Variants in DOK4 observed in about 807,000 individuals in gnomAD.
The protein encoded by DOK4 is docking protein 4.
A neutral mutation model predicts 40.1 loss-of-function variants in DOK4; 26 were observed. The observed-to-expected ratio is 0.65, with a 90% confidence interval of 0.48 to 0.90. The LOEUF (loss-of-function observed/expected upper bound fraction) is 0.90. Ranked by LOEUF, DOK4 falls within the 40% of genes least tolerant of loss-of-function variation. The pLI is 0.00. For synonymous variants in DOK4, 179 were observed against 177.0 expected (o/e 1.01, Z -0.09); for missense variants, 392 against 437.2 (o/e 0.90, Z 0.92).
rs1245329304 is a variant in DOK4 at position 57,485,144 on chromosome 16, G to A, written c.-182+1161C>T. On this transcript the variant is annotated intron_variant, in intron 1 of 8. Transcript: ENST00000340099. This position sits in a 1 kb window ranked among gnomAD's most constrained non-coding sequence, Gnocchi z 4.3. ...CAGCTCCTGGGTCTCAGCGCTGACT[G>A]GCATGGCCAGCAGGCTGTTGTTACT... 6.6e-6 allele frequency among the ~76,000 whole-genome samples: 1 copy of A among 152,248 alleles called. No homozygotes were observed. The highest frequency in any genetic ancestry group is 2.4e-5 in the African/African-American group (1 of 41,466).
At position 57,475,223 on chromosome 16, in the gene DOK4, A is replaced by G; in HGVS notation, c.290-4T>C. The stretch of plus-strand genomic sequence containing the variant: ...TACCACTCCTCTGCCTCTAGCTCTG[A>G]AGAAAATGCTACTTCATCATGCAGC... On this transcript the variant is annotated splice_region_variant and splice_polypyrimidine_tract_variant and intron_variant, in intron 4 of 8. Coordinates refer to ENST00000340099, the Ensembl canonical transcript of DOK4. 6.2e-7 allele frequency: 1 copy of G among 1,611,430 alleles called. No individual in the cohort carries two copies. The highest frequency in any genetic ancestry group is 1.1e-5 in the South Asian group (1 of 90,924).
exon 9 of DOK4, chr16:57,473,203 G>T: frequency 1.1e-6 from 1 of 912,364 alleles, no homozygotes; most frequent in Non-Finnish European, 1.6e-6. Context: ...TGCTCAGGTG[G>T]TGTGGCCAGC....
At chr16:57,480,151 C>T (rs2031361930) in intron 1 of DOK4, 1 of 152,198 alleles carries the variant, frequency 6.6e-6, no homozygotes, top group Admixed American at 6.5e-5. Context: ...AAGCGCTTCC[C>T]AGAGATGGAG....
chr16:57,473,795 AC>A, intron 7 of DOK4, 59 bp from the exon 8 acceptor site: 3 of 1,585,732 alleles, frequency 1.9e-6, no homozygotes, highest in Admixed American at 3.4e-5. Flanking sequence ...CTGAGCAGCC[AC>A]CCCAAGACCC....
In DOK4 at chr16:57,479,783, C is replaced by T. The variant is rs1598055106; in HGVS notation, c.-181-95G>A. The T allele has an allele frequency of 2.7e-6, 1 of 368,114 alleles. No individual in the cohort carries two copies. The highest frequency in any genetic ancestry group is 5.0e-6 in the Non-Finnish European group (1 of 199,162). The allele number at this position is 368,114 out of a possible 1,614,324, so 22.8% of individuals were successfully genotyped here. On this transcript the variant is annotated intron_variant, in intron 1 of 8. Transcript: ENST00000340099. The surrounding 1 kb of genome is among the most constrained non-coding windows in gnomAD (Gnocchi z 5.8). The stretch of plus-strand genomic sequence containing the variant: ...TTTTTTCCTTCCTCTTCCCACACTC[C>T]TCCTCTCTCCCTCTTCCCTCCCTCC...
At chr16:57,484,656 C>T (rs564041529) in intron 1 of DOK4, among the ~76,000 whole-genome samples, 7 of 152,176 alleles carry the variant, frequency 4.6e-5, no homozygotes, top group Non-Finnish European at 8.8e-5. Context: ...ACCCCTCCCT[C>T]GAGGGACCAC....
exon 9 of DOK4, chr16:57,472,186 A>T (rs2030880899): frequency 6.6e-6 from 1 of 152,360 alleles, no homozygotes; most frequent in Non-Finnish European, 1.5e-5. Context: ...CTCCTTTGGG[A>T]GGGGCCGCGT....
chr16:57,474,919 T>C, exon 6 of DOK4: 1 of 1,614,050 alleles, frequency 6.2e-7, no homozygotes, highest in Non-Finnish European at 8.5e-7. Context: ...GTGGGTGATC[T>C]GCAGCTTGCA....
chr16:57,486,410 G>A lies in DOK4; in HGVS notation c.-287C>T, dbSNP rs183117186. 947 of 151,884 alleles carry A rather than the reference G, an allele frequency of 6.2e-3. 10 individuals carry two copies. Among genetic ancestry groups the A allele is most frequent in the African/African-American group, 0.021 (866 of 41,266 alleles). 9.4% of individuals were successfully genotyped at this position (151,884 alleles called of 1,614,324 possible). On this transcript the variant is annotated 5_prime_UTR_variant, in exon 1 of 9. Coordinates refer to ENST00000340099, the Ensembl canonical transcript of DOK4. ...GCGGGGGCGGCAGGGCGGCGGCGGC[G>A]CCGGGCTCCAGGCGGGGACGGCGAG...
chr16:57,486,183 T>C (rs1247338200), intron 1 of DOK4, 122 bp downstream of exon 1: 3 of 152,070 alleles, frequency 2.0e-5, no homozygotes, highest in African/African-American at 7.3e-5. Context: ...GAAGGTCCCA[T>C]GGGACGGAGC....
At position 57,485,200 on chromosome 16, in the gene DOK4, T is replaced by A. The variant is rs528013872; in HGVS notation, c.-182+1105A>T. Among the ~76,000 whole-genome samples the A allele has an allele frequency of 6.6e-6, 1 of 152,312 alleles. No individual in the cohort carries two copies. The highest frequency in any genetic ancestry group is 1.9e-4 in the East Asian group (1 of 5,188). ...ACCAGCTGTGCCCAAGACCCGCAGT[T>A]TGGTTCAGAGCTGCCTCAGGGAAGA... On this transcript the variant is annotated intron_variant, in intron 1 of 8. Transcript: ENST00000340099. The surrounding 1 kb of genome is among the most constrained non-coding windows in gnomAD (Gnocchi z 4.3).
chr16:57,479,349 C>A lies in DOK4; in HGVS notation c.66+93G>T. 2.1e-6 allele frequency: 3 copies of A among 1,423,840 alleles called. No homozygotes were observed. Among genetic ancestry groups the A allele is most frequent in the Non-Finnish European group, 2.9e-6 (3 of 1,031,192 alleles). 88.2% of individuals were successfully genotyped at this position (1,423,840 alleles called of 1,614,324 possible). ...CGATGCCCGGCAGCCGGAGGGCAGC[C>A]GCGTGCCCCACGCGCCATGCCTCCA... On this transcript the variant is annotated intron_variant, in intron 2 of 8. Transcript: ENST00000340099. The surrounding 1 kb of genome is among the most constrained non-coding windows in gnomAD (Gnocchi z 5.8).
chr16:57,477,197 C>G (rs1186583372), intron 2 of DOK4, among the ~76,000 whole-genome samples: 1 of 152,142 alleles, frequency 6.6e-6, no homozygotes, highest in Non-Finnish European at 1.5e-5. Context: ...AGGCAGGGTC[C>G]CAGGGTGCAG....
At chr16:57,487,188 G>A (rs529865689), upstream of DOK4, 1 of 152,300 alleles carries the variant, frequency 6.6e-6, no homozygotes, top group South Asian at 2.1e-4. Flanking sequence ...GACAAGAGAA[G>A]TTGCCCAGTG....
Position 57,479,595 on chromosome 16 carries a change from C to G in DOK4, c.-88G>C, listed in dbSNP as rs2031340151. 6.9e-7 allele frequency: 1 copy of G among 1,439,316 alleles called. No homozygotes were observed. The highest frequency in any genetic ancestry group is 9.7e-7 in the Non-Finnish European group (1 of 1,033,738). 89.2% of individuals were successfully genotyped at this position (1,439,316 alleles called of 1,614,324 possible). The stretch of plus-strand genomic sequence containing the variant: ...CTGGGTCTCCGGCTCCTCCAATCAC[C>G]TGTTCCAGACACTCTGTCGGGGCTG... On this transcript the variant is annotated 5_prime_UTR_variant, in exon 2 of 9. Coordinates refer to ENST00000340099, the Ensembl canonical transcript of DOK4. This position sits in a 1 kb window ranked among gnomAD's most constrained non-coding sequence, Gnocchi z 5.8.
intron 1 of DOK4, among the ~76,000 whole-genome samples, chr16:57,483,629 A>C (rs2031471749): frequency 6.6e-6 from 1 of 152,170 alleles, no homozygotes; most frequent in Non-Finnish European, 1.5e-5. Context: ...GACTGTTTCT[A>C]AAAAATTTCA....
rs563284366 is a variant in DOK4 at position 57,482,374 on chromosome 16, T to TG, written c.-181-2687_-181-2686insC. 8.8e-3 allele frequency among the ~76,000 whole-genome samples: 1,270 copies of TG among 144,932 alleles called. 18 individuals carry two copies. The highest frequency in any genetic ancestry group is 0.024 in the Middle Eastern group (7 of 286). On this transcript the variant is annotated intron_variant, in intron 1 of 8. Coordinates refer to ENST00000340099, the Ensembl canonical transcript of DOK4. ...GAGATGGGGCTTTTGTTTTTTTTTT[T>TG]TTTTTTTTTTGAGACGGAGTCTCAC...
intron 7 of DOK4, 75 bp downstream of exon 7, chr16:57,473,826 C>T: frequency 3.1e-6 from 5 of 1,598,776 alleles, no homozygotes; most frequent in Non-Finnish European, 4.3e-6. Flanking sequence ...CCACTGTGTA[C>T]CCCAGGCACT....
chr16:57,474,945 C>G (rs1162746736), exon 6 of DOK4: 2 of 1,612,956 alleles, frequency 1.2e-6, no homozygotes, highest in Admixed American at 1.7e-5. Context: ...CATACACGTC[C>G]AGGTTGGGGC....
Sources: allele counts gnomAD v4.1 joint callset (sites outside exome capture counted in the v4.1 genomes callset), GRCh38; gene constraint gnomAD v4.1.1; non-coding constraint Gnocchi (gnomAD v3.1); transcripts MANE v1.5; gene names NCBI Gene and HGNC (gene_info 2026-07-23, HGNC 2026-07-21).